PLCE1: variants seen among roughly 807,000 people sequenced by gnomAD.
PLCE1 encodes the protein 1-phosphatidylinositol 4,5-bisphosphate phosphodiesterase epsilon-1.
A neutral mutation model predicts 242.8 loss-of-function variants in PLCE1; 119 were observed. The observed-to-expected ratio is 0.49, with a 90% CI of 0.42 to 0.57. The LOEUF is 0.57. Among genes scored for constraint, PLCE1 ranks in the 20% least tolerant of loss-of-function variants. The pLI is 0.00. For synonymous variants in PLCE1, 945 were observed against 1,017.4 expected (o/e 0.93, Z 1.35); for missense variants, 2,441 against 2,788.8 (o/e 0.88, Z 2.81).
intron 2 of PLCE1, among the ~76,000 whole-genome samples, chr10:94,072,422 A>G (rs897726392): frequency 6.6e-6 from 1 of 151,848 alleles, no homozygotes; most frequent in Non-Finnish European, 1.5e-5. Context: ...GACTACAGGC[A>G]CCCGCCACCA....
At chr10:94,021,571 T>G (rs1409038464) in intron 1 of PLCE1, among the ~76,000 whole-genome samples, 1 of 152,166 alleles carries the variant, frequency 6.6e-6, no homozygotes, top group African/African-American at 2.4e-5. Context: ...TATGTAAATC[T>G]ATTTCTAGAC....
At chr10:94,092,227 A>G (rs1218267086) in intron 2 of PLCE1, among the ~76,000 whole-genome samples, 1 of 152,228 alleles carries the variant, frequency 6.6e-6, no homozygotes, top group Non-Finnish European at 1.5e-5. Flanking sequence ...AGAAACACAA[A>G]ATATGACAGG....
At chr10:94,292,217 G>A (rs936717837) in intron 22 of PLCE1, among the ~76,000 whole-genome samples, 1 of 152,162 alleles carries the variant, frequency 6.6e-6, no homozygotes, top group African/African-American at 2.4e-5. Context: ...CCCACATTAA[G>A]CTATAATAAT....
Position 94,171,497 on chromosome 10 carries a change from G to A in PLCE1, c.1809+1G>A. The A allele has an allele frequency of 1.2e-6, 2 of 1,612,352 alleles. No homozygotes were observed. Among genetic ancestry groups the A allele is most frequent in the Non-Finnish European group, 1.7e-6 (2 of 1,178,404 alleles). ...AGATCTGGTGATGAGGTTTAATGAGGTAAGAAGCCACTTTTTGATGTCTTG... is the reference window on the plus strand; with the variant it reads ...AGATCTGGTGATGAGGTTTAATGAGATAAGAAGCCACTTTTTGATGTCTTG... On this transcript the variant is annotated splice_donor_variant, in intron 4 of 32. Transcript: ENST00000371380. LOFTEE classifies it high-confidence loss of function.
At chr10:94,191,719 G>A (rs2048673986) in intron 4 of PLCE1, among the ~76,000 whole-genome samples, 1 of 152,160 alleles carries the variant, frequency 6.6e-6, no homozygotes, top group Admixed American at 6.5e-5. Flanking sequence ...GTCAAGACAG[G>A]TACATTTCAA....
intron 2 of PLCE1, among the ~76,000 whole-genome samples, chr10:94,090,145 C>T (rs1447337900): frequency 2.6e-5 from 4 of 151,792 alleles, no homozygotes; most frequent in Non-Finnish European, 4.4e-5. Context: ...TCACCACCAA[C>T]TCATTTCCAA....
intron 4 of PLCE1, among the ~76,000 whole-genome samples, chr10:94,176,426 T>C (rs1307634302): frequency 6.6e-6 from 1 of 152,188 alleles, no homozygotes; most frequent in Non-Finnish European, 1.5e-5. Context: ...GAGCACCTAC[T>C]GTTCTCTCGT....
At chr10:94,132,055 T>G (rs2046613810) in intron 2 of PLCE1, 119 bp from the exon 3 acceptor site, 2 of 894,124 alleles carry the variant, frequency 2.2e-6, no homozygotes, top group African/African-American at 1.7e-5. Flanking sequence ...CTCAGAGTGT[T>G]TGCACTTGGA....
At chr10:94,110,933 G>A (rs956749046) in intron 2 of PLCE1, among the ~76,000 whole-genome samples, 2 of 152,138 alleles carry the variant, frequency 1.3e-5, no homozygotes, top group Admixed American at 6.5e-5. Context: ...TGGCCTCAAC[G>A]CACAAGATGC....
In PLCE1 at chr10:93,997,889, C is replaced by A. The variant is rs991924392; in HGVS notation, c.-365+3631C>A. On this transcript the variant is annotated intron_variant, in intron 1 of 32. Coordinates refer to ENST00000371380, the MANE Select transcript of PLCE1 (RefSeq NM_016341.4). ...GGAAAAGAGGTGGGTACTGGTGAAA[C>A]CATTGGGCTCATGTTGAAATCTTTG... 3.9e-5 allele frequency among the ~76,000 whole-genome samples: 6 copies of A among 152,122 alleles called. No individual in the cohort carries two copies. The South Asian group carries it at 1.2e-3, about 32-fold the overall frequency.
At chr10:94,178,342 G>A (rs554840684) in intron 4 of PLCE1, among the ~76,000 whole-genome samples, 19 of 152,250 alleles carry the variant, frequency 1.2e-4, no homozygotes, top group Non-Finnish European at 2.4e-4. Context: ...CCTAGATTGA[G>A]ACCCCCAGTT....
intron 5 of PLCE1, 91 bp from the exon 6 acceptor site, chr10:94,233,962 TA>T: frequency 2.5e-6 from 3 of 1,198,794 alleles, no homozygotes; most frequent in East Asian, 2.5e-5. Context: ...AAAAAAATGG[TA>T]AAAAGAATGA....
chr10:94,268,794 G>A lies in PLCE1; in HGVS notation c.4282-135G>A, dbSNP rs1589446454. The stretch of plus-strand genomic sequence containing the variant: ...GGCCTTTGGCAAAAATGCCATGTTT[G>A]TTTTAGACCATTTGCCCTTCTGCTT... On this transcript the variant is annotated intron_variant, in intron 16 of 32. Coordinates refer to ENST00000371380, the MANE Select transcript of PLCE1 (RefSeq NM_016341.4). 12 of 683,054 alleles carry A rather than the reference G, an allele frequency of 1.8e-5. 1 individual carries two copies. The highest frequency in any genetic ancestry group is 2.7e-5 in the Non-Finnish European group (10 of 370,634). 42.3% of individuals were successfully genotyped at this position (683,054 alleles called of 1,614,324 possible). A position where few individuals can be genotyped will look rare whatever the true frequency, so the allele number is the denominator to read the frequency against.
intron 28 of PLCE1, among the ~76,000 whole-genome samples, chr10:94,313,709 G>T (rs1564888097): frequency 6.6e-6 from 1 of 151,980 alleles, no homozygotes; most frequent in African/African-American, 2.4e-5. Context: ...ATACACTTTC[G>T]CCCTAAGCCT....
chr10:94,130,819 C>T (rs542166138), intron 2 of PLCE1, among the ~76,000 whole-genome samples: 1 of 152,264 alleles, frequency 6.6e-6, no homozygotes, highest in East Asian at 1.9e-4. Context: ...AAGGACCTAG[C>T]ACAGCTCAAG....
At chr10:94,090,550 T>C (rs1404120268) in intron 2 of PLCE1, among the ~76,000 whole-genome samples, 1 of 151,960 alleles carries the variant, frequency 6.6e-6, no homozygotes, top group African/African-American at 2.4e-5. Flanking sequence ...AGGTGCGGGG[T>C]GTCTTGGTAG....
chr10:94,017,567 T>G (rs969834870), intron 1 of PLCE1, among the ~76,000 whole-genome samples: 1 of 152,232 alleles, frequency 6.6e-6, no homozygotes, highest in Admixed American at 6.5e-5. Context: ...GAAGCAGGAA[T>G]AGTTTTTAAA....
intron 4 of PLCE1, among the ~76,000 whole-genome samples, chr10:94,173,553 G>A (rs753735876): frequency 1.3e-5 from 2 of 151,806 alleles, no homozygotes; most frequent in Non-Finnish European, 2.9e-5. Flanking sequence ...TTTAAATTTC[G>A]ACCTGAACTT....
At chr10:94,141,551 GGGAAGGTGAAGGGAAGGCT>G (rs1288161516) in intron 3 of PLCE1, among the ~76,000 whole-genome samples, 2 of 144,690 alleles carry the variant, frequency 1.4e-5, no homozygotes, top group East Asian at 4.0e-4. Flanking sequence ...GGAAGGCTAA[GGGAAGGTGAAGGGAAGGCT>G]AAGGGAAGGT....
Sources: allele counts gnomAD v4.1 joint callset (sites outside exome capture counted in the v4.1 genomes callset), GRCh38; gene constraint gnomAD v4.1.1; transcripts MANE v1.5; gene names NCBI Gene and HGNC (gene_info 2026-07-23, HGNC 2026-07-21).